Variants in PTPRM observed in about 807,000 individuals in gnomAD.
PTPRM encodes receptor-type tyrosine-protein phosphatase mu.
In PTPRM, 47 loss-of-function variants were observed where a neutral mutation model predicts 186.7. That is an observed-to-expected ratio of 0.25 (90% CI 0.20 to 0.32). The LOEUF is 0.32. PTPRM is among the 10% of genes least tolerant of loss of function. The pLI is 1.00. For missense variants in PTPRM, 1,494 were observed against 1,865.0 expected, an observed-to-expected ratio of 0.80 and a Z score of 3.66; for synonymous variants, 668 against 674.9, an observed-to-expected ratio of 0.99 and a Z score of 0.16.
At chr18:7,685,697 T>C (rs560284684) in intron 1 of PTPRM, among the ~76,000 whole-genome samples, 4 of 152,140 alleles carry the variant, frequency 2.6e-5, no homozygotes, top group African/African-American at 4.8e-5. Context: ...CCATTAGAAG[T>C]AGTTTTCCTA....
At chr18:7,834,779 A>C (rs2045950277) in intron 2 of PTPRM, among the ~76,000 whole-genome samples, 1 of 151,838 alleles carries the variant, frequency 6.6e-6, no homozygotes, top group Non-Finnish European at 1.5e-5. Context: ...TTACAACTTC[A>C]ATCCCATTAC....
intron 4 of PTPRM, among the ~76,000 whole-genome samples, chr18:7,909,702 A>C (rs1247146654): frequency 4.0e-5 from 6 of 149,676 alleles, no homozygotes; most frequent in Non-Finnish European, 9.0e-5. Context: ...GCTGAATCTC[A>C]TTTGCTCCAC....
At chr18:7,868,386 A>G (rs1413480526) in intron 2 of PTPRM, among the ~76,000 whole-genome samples, 1 of 151,936 alleles carries the variant, frequency 6.6e-6, no homozygotes, top group Non-Finnish European at 1.5e-5. Flanking sequence ...TTTGGTGTGG[A>G]TGTCCTTTTT....
intron 2 of PTPRM, among the ~76,000 whole-genome samples, chr18:7,816,606 A>G (rs2044839017): frequency 6.6e-6 from 1 of 152,198 alleles, no homozygotes; most frequent in Admixed American, 6.5e-5. Context: ...TAACATTTAG[A>G]AATTTTACGT....
At chr18:8,246,629 T>C (rs370046197) in intron 15 of PTPRM, among the ~76,000 whole-genome samples, 1 of 152,202 alleles carries the variant, frequency 6.6e-6, no homozygotes, top group Non-Finnish European at 1.5e-5. Context: ...CATATTTTAT[T>C]GGTACTCATT....
Position 8,085,349 on chromosome 18 carries a change from C to T in PTPRM, c.1552-322C>T, listed in dbSNP as rs149123539. 9.9e-5 allele frequency among the ~76,000 whole-genome samples: 15 copies of T among 152,096 alleles called. No individual in the cohort carries two copies. In the East Asian group the frequency reaches 2.9e-3, roughly 29 times the overall value. On this transcript the variant is annotated intron_variant, in intron 9 of 32. Coordinates refer to ENST00000580170, the MANE Select transcript of PTPRM (RefSeq NM_001105244.2). The stretch of plus-strand genomic sequence containing the variant: ...TCTGTTTGAGCTAGTTGTATATTTT[C>T]TTATTTTGTTCTAAACCCATTGTAA...
intron 29 of PTPRM, among the ~76,000 whole-genome samples, chr18:8,380,987 A>G (rs2148511842): frequency 6.6e-6 from 1 of 152,314 alleles, no homozygotes; most frequent in Middle Eastern, 3.4e-3. Flanking sequence ...AGGCACAGCA[A>G]TTAGTTTTCT....
intron 1 of PTPRM, among the ~76,000 whole-genome samples, chr18:7,706,738 C>T (rs1283533348): frequency 4.0e-5 from 6 of 150,744 alleles, no homozygotes; most frequent in African/African-American, 1.5e-4. Context: ...GAAAAGTATA[C>T]CTTGTTCTTG....
intron 1 of PTPRM, among the ~76,000 whole-genome samples, chr18:7,718,474 A>G (rs1359738027): frequency 6.6e-6 from 1 of 152,198 alleles, no homozygotes; most frequent in Admixed American, 6.5e-5. Context: ...AAATAACAAC[A>G]GAAAAACTCT....
intron 7 of PTPRM, among the ~76,000 whole-genome samples, chr18:7,987,529 G>T (rs2083029032): frequency 6.6e-6 from 1 of 152,146 alleles, no homozygotes; most frequent in Non-Finnish European, 1.5e-5. Flanking sequence ...ATGATCTGCG[G>T]TGAGTGGAGA....
At chr18:7,904,527 TC>T (rs1439451364) in intron 3 of PTPRM, among the ~76,000 whole-genome samples, 1 of 152,216 alleles carries the variant, frequency 6.6e-6, no homozygotes, top group African/African-American at 2.4e-5. Context: ...TACATGATCT[TC>T]GGGGAGTGGT....
rs558473327 is a variant in PTPRM at position 8,392,488 on chromosome 18, A to G, written c.4209-1988A>G. ...AAAAATACAAAAAAATTAGCCGGGCATGGTGGCAGGTGCCTGTAGTCCCAG... is the reference window on the plus strand; with the variant it reads ...AAAAATACAAAAAAATTAGCCGGGCGTGGTGGCAGGTGCCTGTAGTCCCAG... On this transcript the variant is annotated intron_variant, in intron 31 of 32. Coordinates refer to ENST00000580170, the MANE Select transcript of PTPRM (RefSeq NM_001105244.2). Among the ~76,000 whole-genome samples, 91 of 152,094 alleles carry G rather than the reference A, an allele frequency of 6.0e-4. 1 individual carries two copies. The highest frequency in any genetic ancestry group is 2.1e-3 in the East Asian group (11 of 5,156).
chr18:7,987,368 A>G (rs2083020307), intron 7 of PTPRM, among the ~76,000 whole-genome samples: 1 of 152,224 alleles, frequency 6.6e-6, no homozygotes. Context: ...CAAGTGGAGA[A>G]ACATTTATTA....
At chr18:8,215,086 T>C (rs1353247164) in intron 14 of PTPRM, among the ~76,000 whole-genome samples, 1 of 152,190 alleles carries the variant, frequency 6.6e-6, no homozygotes, top group Non-Finnish European at 1.5e-5. Context: ...ATACCTTCCC[T>C]ACATCCAGAA....
At chr18:8,344,403 C>T (rs201647452) in intron 23 of PTPRM, among the ~76,000 whole-genome samples, 1 of 144,732 alleles carries the variant, frequency 6.9e-6, no homozygotes, top group Non-Finnish European at 1.5e-5. Context: ...TATATACATA[C>T]ACACAATATA....
At chr18:8,384,713 GATT>G in intron 30 of PTPRM, 27 bp downstream of exon 30, 7 of 1,612,140 alleles carry the variant, frequency 4.3e-6, no homozygotes, top group Non-Finnish European at 5.1e-6. Context: ...TCATGCCTGT[GATT>G]ATGGTTTCAT....
chr18:8,282,661 G>A (rs1165184846), intron 19 of PTPRM, among the ~76,000 whole-genome samples: 3 of 152,026 alleles, frequency 2.0e-5, no homozygotes, highest in East Asian at 1.9e-4. Flanking sequence ...AAACCCTGTC[G>A]CAAAAAACAA....
At chr18:8,359,740 G>A (rs2095585245) in intron 23 of PTPRM, among the ~76,000 whole-genome samples, 1 of 152,246 alleles carries the variant, frequency 6.6e-6, no homozygotes, top group African/African-American at 2.4e-5. Context: ...ATTCCTACCT[G>A]CTCGGGTGTG....
At chr18:7,648,278 C>T (rs2038612865) in intron 1 of PTPRM, among the ~76,000 whole-genome samples, 2 of 152,242 alleles carry the variant, frequency 1.3e-5, no homozygotes, top group Admixed American at 6.5e-5. Context: ...CTGGCTGTTA[C>T]CCCATCTCTC....
Sources: gnomAD v4.1 joint callset for allele counts (sites outside exome capture counted in the v4.1 genomes callset) on GRCh38, gnomAD v4.1.1 for gene constraint, MANE v1.5 for transcripts, NCBI Gene and HGNC (gene_info 2026-07-23, HGNC 2026-07-21) for gene names.